CPNE8: variants seen among roughly 807,000 people sequenced by gnomAD.
The protein encoded by CPNE8 is copine-8.
CPNE8 carries 45 observed loss-of-function variants against 81.5 expected under a neutral mutation model. The observed-to-expected ratio is 0.55, with a 90% CI of 0.44 to 0.71. CPNE8 has a LOEUF of 0.71. Among genes scored for constraint, CPNE8 ranks in the 30% least tolerant of loss-of-function variants. The probability of loss-of-function intolerance (pLI) is 0.00; values close to 1 mark genes in which losing one functional copy is unlikely to be tolerated. For missense variants in CPNE8, 594 were observed against 672.1 expected (o/e 0.88, Z 1.28); for synonymous variants, 252 against 226.3 (o/e 1.11, Z -1.02).
intron 19 of CPNE8, among the ~76,000 whole-genome samples, chr12:38,665,099 A>G (rs982448951): frequency 6.6e-6 from 1 of 152,138 alleles, no homozygotes; most frequent in African/African-American, 2.4e-5. Context: ...CAAATCTTAA[A>G]ATTTTCATGA....
chr12:38,798,854 A>G (rs1015319679), intron 6 of CPNE8, among the ~76,000 whole-genome samples: 2 of 152,154 alleles, frequency 1.3e-5, no homozygotes, highest in African/African-American at 4.8e-5. Flanking sequence ...ATGGAGGAAG[A>G]TCTACCAAGC....
intron 6 of CPNE8, among the ~76,000 whole-genome samples, chr12:38,815,455 T>G (rs548569445): frequency 6.6e-6 from 1 of 152,324 alleles, no homozygotes; most frequent in South Asian, 2.1e-4. Context: ...TTTCCTCAAC[T>G]AAAAATAAAA....
chr12:38,840,878 G>A (rs1943459106), intron 4 of CPNE8, among the ~76,000 whole-genome samples: 1 of 152,132 alleles, frequency 6.6e-6, no homozygotes, highest in South Asian at 2.1e-4. Flanking sequence ...GACACTGATA[G>A]TCAAAATACC....
At chr12:38,888,078 C>A (rs1432664769) in intron 1 of CPNE8, among the ~76,000 whole-genome samples, 2 of 152,172 alleles carry the variant, frequency 1.3e-5, no homozygotes, top group East Asian at 3.9e-4. Context: ...GCCTACAGAT[C>A]TCCACTAAGT....
At chr12:38,802,689 A>C (rs1279850842) in intron 6 of CPNE8, among the ~76,000 whole-genome samples, 1 of 152,026 alleles carries the variant, frequency 6.6e-6, no homozygotes, top group Non-Finnish European at 1.5e-5. Flanking sequence ...AGAGACAAAA[A>C]ACCCTTCCAA....
intron 3 of CPNE8, among the ~76,000 whole-genome samples, chr12:38,861,248 G>A (rs1837857835): frequency 6.6e-6 from 1 of 152,054 alleles, no homozygotes; most frequent in African/African-American, 2.4e-5. Flanking sequence ...AGAAAAACGG[G>A]AAATTGTTGT....
At chr12:38,906,192 C>T (rs1171901651), upstream of CPNE8, 2 of 985,590 alleles carry the variant, frequency 2.0e-6, no homozygotes, top group Non-Finnish European at 2.4e-6. Flanking sequence ...ACTGTGCCCT[C>T]GGGCAGATGA....
chr12:38,717,794 AC>A (rs1193209206), intron 13 of CPNE8, among the ~76,000 whole-genome samples: 1 of 151,300 alleles, frequency 6.6e-6, no homozygotes, highest in Non-Finnish European at 1.5e-5. Context: ...ATCCACCTGT[AC>A]CCCCCAAAAA....
intron 13 of CPNE8, among the ~76,000 whole-genome samples, chr12:38,721,648 C>T (rs1159417488): frequency 6.6e-6 from 1 of 152,238 alleles, no homozygotes; most frequent in Non-Finnish European, 1.5e-5. Context: ...CTGAAACCTG[C>T]CCATTGCTCA....
chr12:38,839,181 T>A (rs372269846), intron 5 of CPNE8, among the ~76,000 whole-genome samples: 11 of 152,140 alleles, frequency 7.2e-5, no homozygotes, highest in African/African-American at 2.4e-4. Flanking sequence ...GGTGGCCTAA[T>A]TCCAATTTCA....
intron 10 of CPNE8, among the ~76,000 whole-genome samples, chr12:38,746,837 T>C (rs556106718): frequency 1.3e-5 from 2 of 152,304 alleles, no homozygotes; most frequent in Admixed American, 1.3e-4. Flanking sequence ...GAATCCTATA[T>C]ATAAAAAAGA....
At chr12:38,824,767 G>A (rs1204188116) in intron 6 of CPNE8, among the ~76,000 whole-genome samples, 2 of 152,140 alleles carry the variant, frequency 1.3e-5, no homozygotes, top group Non-Finnish European at 1.5e-5. Flanking sequence ...CAAGTGGACT[G>A]TCTGCCTCAG....
intron 6 of CPNE8, among the ~76,000 whole-genome samples, chr12:38,816,605 G>A (rs1943028798): frequency 6.6e-6 from 1 of 152,128 alleles, no homozygotes; most frequent in South Asian, 2.1e-4. Flanking sequence ...ATGAAAGAAA[G>A]GGGAGAAAGA....
chr12:38,776,548 G>A (rs1941942611), intron 6 of CPNE8, among the ~76,000 whole-genome samples: 1 of 151,866 alleles, frequency 6.6e-6, no homozygotes, highest in African/African-American at 2.4e-5. Flanking sequence ...GACCTCCAGT[G>A]ATCCGCTCCC....
intron 8 of CPNE8, 148 bp downstream of exon 8, chr12:38,767,487 T>C (rs952331440): frequency 2.1e-6 from 1 of 483,050 alleles, no homozygotes; most frequent in Non-Finnish European, 3.6e-6. Flanking sequence ...AGTTGCACAA[T>C]ATTTTGAGAT....
Position 38,700,296 on chromosome 12 carries a change from C to T in CPNE8, c.961+2579G>A, listed in dbSNP as rs144233878. Among the ~76,000 whole-genome samples the T allele has an allele frequency of 3.2e-3, 449 of 141,574 alleles. 4 individuals are homozygous for T. The highest frequency in any genetic ancestry group is 0.01 in the African/African-American group (397 of 38,598). The allele number at this position is 141,574 out of a possible 152,430, so 92.9% of individuals were successfully genotyped here. ...CTCTGTCACCCAAGCTGGAGTGCAA[C>T]GGCATGATCTCGGCTCACTGCAACA... On this transcript the variant is annotated intron_variant, in intron 14 of 19. Transcript: ENST00000331366.
chr12:38,663,714 CA>C (rs1939006818), intron 19 of CPNE8, among the ~76,000 whole-genome samples: 1 of 152,058 alleles, frequency 6.6e-6, no homozygotes, highest in Non-Finnish European at 1.5e-5. Context: ...CAGGATATGA[CA>C]TTGACCTAAG....
intron 10 of CPNE8, among the ~76,000 whole-genome samples, chr12:38,758,919 A>G (rs1941519954): frequency 6.6e-6 from 1 of 152,220 alleles, no homozygotes; most frequent in South Asian, 2.1e-4. Context: ...CTATAATTTC[A>G]GCAAATTTAG....
intron 6 of CPNE8, among the ~76,000 whole-genome samples, chr12:38,795,033 G>A (rs909048039): frequency 1.3e-5 from 2 of 152,142 alleles, no homozygotes; most frequent in African/African-American, 2.4e-5. Flanking sequence ...CCTCCAATAT[G>A]AGACCCCAAG....
Sources: allele counts gnomAD v4.1 joint callset (sites outside exome capture counted in the v4.1 genomes callset), GRCh38; gene constraint gnomAD v4.1.1; transcripts MANE v1.5; gene names NCBI Gene and HGNC (gene_info 2026-07-23, HGNC 2026-07-21).